The following SYNE2 variants were observed in gnomAD, a reference collection of about 807,000 sequenced individuals.
SYNE2 encodes spectrin repeat containing nuclear envelope protein 2, also known as nesprin-2.
A neutral mutation model predicts 856.3 loss-of-function variants in SYNE2; 431 were observed. That is an observed-to-expected ratio of 0.50 (90% CI 0.47 to 0.55). SYNE2 has a LOEUF of 0.55. Ranked by LOEUF, SYNE2 falls within the 20% of genes least tolerant of loss-of-function variation. The probability of loss-of-function intolerance (pLI) is 0.00; values close to 1 mark genes in which losing one functional copy is unlikely to be tolerated. For synonymous variants in SYNE2, 2,923 were observed against 2,872.3 expected (o/e 1.02, Z -0.56); for missense variants, 8,129 against 8,023.2 (o/e 1.01, Z -0.50).
At position 64,223,202 on chromosome 14, in the gene SYNE2, A is replaced by C; in HGVS notation, c.20204A>C (p.Glu6735Ala). Residue 6735 changes from glutamate to alanine, a missense_variant, in exon 113 of 116, where the codon GAG (glutamate) becomes GCG (alanine). By Grantham distance (107) the Glu-to-Ala change is moderately radical. Transcript: ENST00000555002. ...CRRELMQLEK[E>A]LVERQPQVDM... ...ATCTGTTTTCAGCAACTGGAAAAGG[A>C]GCTGGTAGAACGTCAACCTCAAGTG... 1.2e-6 allele frequency: 2 copies of C among 1,613,934 alleles called. No homozygotes were observed. Among genetic ancestry groups the C allele is most frequent in the Non-Finnish European group, 1.7e-6 (2 of 1,179,912 alleles).
intron 8 of SYNE2, 108 bp from the exon 9 acceptor site, chr14:63,961,417 T>C: frequency 1.1e-6 from 1 of 921,212 alleles, no homozygotes; most frequent in South Asian, 1.4e-5. Flanking sequence ...CTTTGGTGCA[T>C]TTCCAGAGCC....
At chr14:64,144,331 T>C (rs923208093) in intron 83 of SYNE2, among the ~76,000 whole-genome samples, 2 of 152,224 alleles carry the variant, frequency 1.3e-5, no homozygotes, top group African/African-American at 2.4e-5. Flanking sequence ...AAAATGCACT[T>C]GGCTTTTTGG....
intron 66 of SYNE2, among the ~76,000 whole-genome samples, chr14:64,118,654 A>C (rs2097871877): frequency 6.6e-6 from 1 of 152,104 alleles, no homozygotes; most frequent in Non-Finnish European, 1.5e-5. Context: ...CGAGGTCAGG[A>C]GTTTGAGACC....
intron 82 of SYNE2, among the ~76,000 whole-genome samples, chr14:64,143,352 C>A (rs2098155525): frequency 6.6e-6 from 1 of 152,182 alleles, no homozygotes; most frequent in Non-Finnish European, 1.5e-5. Flanking sequence ...TGACAGAGTT[C>A]CTTAAGGTGT....
intron 38 of SYNE2, chr14:64,023,226 C>T (rs568031913): frequency 2.5e-4 from 53 of 209,108 alleles, no homozygotes; most frequent in African/African-American, 9.4e-4. Context: ...CCATCCTGGG[C>T]GACAGAGTGA....
rs367762173 is a variant in SYNE2, at chr14:64,153,927, G to A, written c.15792+1211G>A. ...AAGGATCCTCAGACAATTTAATGAG[G>A]GAAAACACTTTCTTGAAAAATGGTG... On this transcript the variant is annotated intron_variant, in intron 85 of 115. Coordinates refer to ENST00000555002, the MANE Select transcript of SYNE2 (RefSeq NM_182914.3). 2.2e-4 allele frequency among the ~76,000 whole-genome samples: 34 copies of A among 152,024 alleles called. 2 individuals carry two copies. The South Asian group carries it at 6.9e-3, about 31-fold the overall frequency.
In SYNE2 at chr14:64,121,085, T is replaced by C. The variant is rs909684826; in HGVS notation, c.13158+24T>C. ...AGGTAATTCTAGCCCCCAACAGTTG[T>C]AGGGACTAGAATATAACTTTTTAAC... On this transcript the variant is annotated intron_variant, in intron 68 of 115. Coordinates refer to ENST00000555002, the MANE Select transcript of SYNE2 (RefSeq NM_182914.3). The C allele has an allele frequency of 4.3e-6, 7 of 1,613,352 alleles. No homozygotes were observed. The African/African-American group carries it at 6.7e-5, about 15-fold the overall frequency.
chr14:63,975,077 G>A (rs2096531589), intron 11 of SYNE2, among the ~76,000 whole-genome samples: 1 of 151,182 alleles, frequency 6.6e-6, no homozygotes. Context: ...GTTCAGGCAA[G>A]AGCTGTGGCT....
chr14:64,055,921 G>A, intron 48 of SYNE2, 23 bp from the exon 49 acceptor site: 1 of 1,599,120 alleles, frequency 6.3e-7, no homozygotes, highest in Non-Finnish European at 8.6e-7. Context: ...TTTTGTCACA[G>A]CATTTAATCT....
intron 80 of SYNE2, 75 bp downstream of exon 80, chr14:64,140,148 G>A (rs181063002): frequency 6.9e-7 from 1 of 1,457,854 alleles, no homozygotes; most frequent in East Asian, 2.3e-5. Flanking sequence ...CAGGGTTGAT[G>A]TGATAGTCTT....
At chr14:63,884,826 G>A (rs2094945149) in intron 1 of SYNE2, among the ~76,000 whole-genome samples, 1 of 152,066 alleles carries the variant, frequency 6.6e-6, no homozygotes, top group South Asian at 2.1e-4. Context: ...ATTTTTAGTA[G>A]AGATGGGGTT....
chr14:64,199,809 A>G (rs2098554407), intron 99 of SYNE2, among the ~76,000 whole-genome samples: 1 of 151,364 alleles, frequency 6.6e-6, no homozygotes, highest in South Asian at 2.1e-4. Context: ...TAGATGTTTT[A>G]TTTTAATAAT....
intron 47 of SYNE2, among the ~76,000 whole-genome samples, 169 bp downstream of exon 47, chr14:64,050,045 T>C (rs1430085972): frequency 2.0e-5 from 3 of 152,158 alleles, no homozygotes; most frequent in Non-Finnish European, 4.4e-5. Context: ...TGGGCTGCTA[T>C]AACAAAATAC....
intron 101 of SYNE2, 45 bp from the exon 102 acceptor site, chr14:64,209,382 AG>A (rs749613928): frequency 6.2e-7 from 1 of 1,614,096 alleles, no homozygotes; most frequent in South Asian, 1.1e-5. Flanking sequence ...GCAAAAGCAC[AG>A]GCTTGGAGGG....
intron 32 of SYNE2, among the ~76,000 whole-genome samples, chr14:64,014,954 TATATATATATATATATATATACACAC>T (rs2096877587): frequency 8.4e-6 from 1 of 119,200 alleles, no homozygotes; most frequent in South Asian, 2.3e-4. Context: ...TATATATATA[TATATATATATATATATATATACACAC>T]ACACACACAC....
chr14:63,762,834 G>GA (rs200459501), intron 1 of SYNE2, among the ~76,000 whole-genome samples: 1 of 151,326 alleles, frequency 6.6e-6, no homozygotes, highest in Non-Finnish European at 1.5e-5. Flanking sequence ...GAAAGAGAGA[G>GA]AAAAAAAATG....
intron 11 of SYNE2, among the ~76,000 whole-genome samples, chr14:63,970,146 T>C (rs1168750857): frequency 6.6e-6 from 1 of 152,198 alleles, no homozygotes. Context: ...TGTATCTCTA[T>C]AAATGACACC....
intron 32 of SYNE2, among the ~76,000 whole-genome samples, chr14:64,012,765 G>T (rs2096856579): frequency 6.6e-6 from 1 of 152,078 alleles, no homozygotes; most frequent in African/African-American, 2.4e-5. Flanking sequence ...CTTTGGTCAG[G>T]TTTTTAAAAA....
chr14:63,880,289 G>C (rs1003948532), intron 1 of SYNE2, among the ~76,000 whole-genome samples: 2 of 152,096 alleles, frequency 1.3e-5, no homozygotes, highest in African/African-American at 4.8e-5. Context: ...ACAGGGTTTC[G>C]CCATGTTGGC....
Sources: gnomAD v4.1 joint callset for allele counts (sites outside exome capture counted in the v4.1 genomes callset) on GRCh38, gnomAD v4.1.1 for gene constraint, MANE v1.5 for transcripts, NCBI Gene and HGNC (gene_info 2026-07-23, HGNC 2026-07-21) for gene names.